Variants in CREB5 observed in about 807,000 individuals in gnomAD.
CREB5 encodes cAMP responsive element binding protein 5, also known as cyclic AMP-responsive element-binding protein 5.
In CREB5, 19 loss-of-function variants were observed where a neutral mutation model predicts 57.1. The ratio of observed to expected loss-of-function variants is 0.33; its 90% CI spans 0.23 to 0.49. CREB5 has a LOEUF of 0.49. Among genes scored for constraint, CREB5 ranks in the 20% least tolerant of loss-of-function variants. CREB5 has a pLI of 0.99. For missense variants in CREB5, 579 were observed against 671.6 expected (o/e 0.86, Z 1.52); for synonymous variants, 238 against 238.3 (o/e 1.00, Z 0.01).
At chr7:28,757,133 C>T (rs1044949747) in intron 7 of CREB5, among the ~76,000 whole-genome samples, 2 of 152,146 alleles carry the variant, frequency 1.3e-5, no homozygotes, top group African/African-American at 4.8e-5. Flanking sequence ...GTTCTAAATG[C>T]TTTGTAAATA....
At chr7:28,648,281 G>C (rs892096860) in intron 5 of CREB5, among the ~76,000 whole-genome samples, 4 of 152,096 alleles carry the variant, frequency 2.6e-5, no homozygotes, top group East Asian at 1.9e-4. Context: ...GATTTCTCTT[G>C]ATAGTCTTTT....
At chr7:28,567,257 TC>T (rs1055221918) in intron 4 of CREB5, among the ~76,000 whole-genome samples, 1 of 152,226 alleles carries the variant, frequency 6.6e-6, no homozygotes, top group Non-Finnish European at 1.5e-5. Context: ...CCTCTCTTTT[TC>T]CTCAGCCCAT....
chr7:28,643,338 G>T (rs1798755679), intron 5 of CREB5, among the ~76,000 whole-genome samples: 1 of 152,138 alleles, frequency 6.6e-6, no homozygotes, highest in African/African-American at 2.4e-5. Flanking sequence ...CACCGACAGG[G>T]TGAATTATAT....
chr7:28,598,268 G>A (rs1194923005), intron 5 of CREB5, among the ~76,000 whole-genome samples: 3 of 152,132 alleles, frequency 2.0e-5, no homozygotes, highest in African/African-American at 7.2e-5. Flanking sequence ...CTGCCACCAT[G>A]CAAGAAGTGC....
chr7:28,577,823 A>G (rs912283166), intron 5 of CREB5, among the ~76,000 whole-genome samples: 3 of 152,204 alleles, frequency 2.0e-5, no homozygotes, highest in Admixed American at 6.5e-5. Context: ...TTGGTAAGGT[A>G]ACTTCTCTGG....
At chr7:28,540,820 G>A (rs1020384581) in intron 4 of CREB5, among the ~76,000 whole-genome samples, 5 of 152,148 alleles carry the variant, frequency 3.3e-5, no homozygotes, top group Non-Finnish European at 7.3e-5. Flanking sequence ...CACCTAGGGC[G>A]CTTTCATCCC....
At chr7:28,334,991 C>T (rs1179167793) in intron 1 of CREB5, among the ~76,000 whole-genome samples, 4 of 152,102 alleles carry the variant, frequency 2.6e-5, no homozygotes, top group African/African-American at 9.6e-5. Flanking sequence ...TTGTCACTCT[C>T]ATCCAAAAGA....
At chr7:28,320,601 T>C (rs1785480398) in intron 1 of CREB5, among the ~76,000 whole-genome samples, 1 of 152,178 alleles carries the variant, frequency 6.6e-6, no homozygotes, top group South Asian at 2.1e-4. Flanking sequence ...GATTGTTCTA[T>C]GTTAAGGTTC....
chr7:28,422,107 G>A (rs1370213491), intron 1 of CREB5, among the ~76,000 whole-genome samples: 4 of 152,052 alleles, frequency 2.6e-5, no homozygotes, highest in African/African-American at 9.7e-5. Context: ...GAATGGTGGA[G>A]GAAATTAGAG....
chr7:28,448,359 T>A (rs192736797), intron 1 of CREB5, among the ~76,000 whole-genome samples: 60 of 152,356 alleles, frequency 3.9e-4, no homozygotes, highest in African/African-American at 1.4e-3. Flanking sequence ...GAACCCTGAC[T>A]AACACAGTGT....
At chr7:28,406,095 G>A (rs1301578766) in intron 1 of CREB5, among the ~76,000 whole-genome samples, 3 of 152,232 alleles carry the variant, frequency 2.0e-5, no homozygotes, top group Non-Finnish European at 4.4e-5. Context: ...GCACTGGGCA[G>A]ATCTGCTAAT....
rs76756698 is a variant in CREB5 at position 28,643,645 on chromosome 7, A to T, written c.464+73108A>T. On this transcript the variant is annotated intron_variant, in intron 5 of 10. Coordinates refer to ENST00000357727, the MANE Select transcript of CREB5 (RefSeq NM_182898.4). ...GTTATGAGATTAAATGAGGTAAAGAAGCATCAGGTTTTACCACAATCACCA... is the reference window on the plus strand; with the variant it reads ...GTTATGAGATTAAATGAGGTAAAGATGCATCAGGTTTTACCACAATCACCA... 5.1e-3 allele frequency among the ~76,000 whole-genome samples: 781 copies of T among 152,290 alleles called. 6 individuals are homozygous for T. Among genetic ancestry groups the T allele is most frequent in the African/African-American group, 0.014 (577 of 41,554 alleles).
chr7:28,750,855 T>G (rs980526004), intron 7 of CREB5, among the ~76,000 whole-genome samples: 1 of 152,178 alleles, frequency 6.6e-6, no homozygotes, highest in African/African-American at 2.4e-5. Context: ...CTAATATTTT[T>G]GGAATGAATT....
At chr7:28,596,628 G>C (rs1796700124) in intron 5 of CREB5, among the ~76,000 whole-genome samples, 1 of 152,210 alleles carries the variant, frequency 6.6e-6, no homozygotes, top group Admixed American at 6.5e-5. Flanking sequence ...CCTGTAGCCA[G>C]CTAGACCTGG....
intron 1 of CREB5, among the ~76,000 whole-genome samples, chr7:28,371,580 C>T (rs970420512): frequency 1.4e-4 from 21 of 152,080 alleles, no homozygotes; most frequent in African/African-American, 5.1e-4. Context: ...CCCTGGAAAG[C>T]CCTGCGGGCA....
intron 1 of CREB5, among the ~76,000 whole-genome samples, chr7:28,358,269 C>A (rs1342071078): frequency 6.6e-6 from 1 of 152,190 alleles, no homozygotes; most frequent in Non-Finnish European, 1.5e-5. Flanking sequence ...AGAAGAGCTG[C>A]TAAGCTGGTT....
At chr7:28,627,591 G>A (rs1433534383) in intron 5 of CREB5, among the ~76,000 whole-genome samples, 1 of 152,142 alleles carries the variant, frequency 6.6e-6, no homozygotes, top group Non-Finnish European at 1.5e-5. Context: ...TCATTTAAAT[G>A]ACCAGTTGTA....
chr7:28,821,838 G>A lies in CREB5; in HGVS notation c.*2559G>A, dbSNP rs1809788684. On this transcript the variant is annotated 3_prime_UTR_variant, in exon 11 of 11. Transcript: ENST00000357727. The stretch of plus-strand genomic sequence containing the variant: ...TATGTTATGTTTTGCTTTGTTTTAA[G>A]TAAACAAAAATTTTTCTTTCTTTAC... 1 of 152,516 alleles carries A rather than the reference G, an allele frequency of 6.6e-6. No individual in the cohort carries two copies. The allele number at this position is 152,516 out of a possible 1,614,324, so 9.4% of individuals were successfully genotyped here.
intron 5 of CREB5, among the ~76,000 whole-genome samples, chr7:28,577,773 T>A (rs1005978382): frequency 3.3e-5 from 5 of 152,204 alleles, no homozygotes; most frequent in Non-Finnish European, 5.9e-5. Flanking sequence ...AGCACTAAAA[T>A]GTTAATTATT....
Sources: allele counts gnomAD v4.1 joint callset (sites outside exome capture counted in the v4.1 genomes callset), GRCh38; gene constraint gnomAD v4.1.1; transcripts MANE v1.5; gene names NCBI Gene and HGNC (gene_info 2026-07-23, HGNC 2026-07-21).